The following GULP1 variants were observed in gnomAD, a reference collection of about 807,000 sequenced individuals.
GULP1 encodes the protein PTB domain-containing engulfment adapter protein 1.
GULP1 carries 19 observed loss-of-function variants against 40.9 expected under a neutral mutation model. The ratio of observed to expected loss-of-function variants is 0.46; its 90% confidence interval spans 0.32 to 0.68. GULP1 has a LOEUF of 0.68. Ranked by LOEUF, GULP1 falls within the 30% of genes least tolerant of loss-of-function variation. The pLI is 0.03. For synonymous variants in GULP1, 119 were observed against 117.6 expected, an observed-to-expected ratio of 1.01 and a Z score of -0.08; for missense variants, 312 against 362.2, an observed-to-expected ratio of 0.86 and a Z score of 1.12.
chr2:188,416,780 TTAG>T (rs1317780900), intron 2 of GULP1, among the ~76,000 whole-genome samples: 1 of 152,148 alleles, frequency 6.6e-6, no homozygotes, highest in Non-Finnish European at 1.5e-5. Context: ...CATATAGTAG[TTAG>T]TAGAAAAGTG....
chr2:188,433,014 AT>A (rs2057044695), intron 2 of GULP1, among the ~76,000 whole-genome samples: 1 of 152,170 alleles, frequency 6.6e-6, no homozygotes, highest in Non-Finnish European at 1.5e-5. Flanking sequence ...AATGGGTTTT[AT>A]CTTGACACCA....
At chr2:188,520,546 A>AAAG (rs1431044067) in intron 4 of GULP1, among the ~76,000 whole-genome samples, 78 of 151,882 alleles carry the variant, frequency 5.1e-4, no homozygotes, top group Middle Eastern at 6.8e-3. Flanking sequence ...AAAAAAAAAA[A>AAAG]AAGTAACTGT....
chr2:188,564,562 T>TA (rs1300654803), intron 7 of GULP1, among the ~76,000 whole-genome samples: 2 of 151,778 alleles, frequency 1.3e-5, no homozygotes, highest in Non-Finnish European at 3.0e-5. Flanking sequence ...TTGATGTAAG[T>TA]AAAAAAGACC....
chr2:188,454,177 T>C (rs1039362876), intron 2 of GULP1, among the ~76,000 whole-genome samples: 9 of 152,184 alleles, frequency 5.9e-5, no homozygotes, highest in African/African-American at 2.2e-4. Context: ...AAGGATATGC[T>C]GACAATTTCA....
chr2:188,404,290 G>A (rs1443309106), intron 2 of GULP1, among the ~76,000 whole-genome samples: 1 of 152,166 alleles, frequency 6.6e-6, no homozygotes, highest in East Asian at 1.9e-4. Context: ...AACTATCCAT[G>A]CATGCAAATA....
chr2:188,411,717 C>T (rs964176734), intron 2 of GULP1, among the ~76,000 whole-genome samples: 1 of 152,194 alleles, frequency 6.6e-6, no homozygotes, highest in Non-Finnish European at 1.5e-5. Context: ...AGTTCCTGAC[C>T]ATCCAGCCAA....
chr2:188,584,193 T>G, intron 9 of GULP1, 72 bp from the exon 10 acceptor site: 1 of 974,994 alleles, frequency 1.0e-6, no homozygotes, highest in Non-Finnish European at 1.5e-6. Flanking sequence ...ATATTTTATA[T>G]GCATATGAAA....
At chr2:188,571,949 T>C (rs1435995553) in intron 9 of GULP1, among the ~76,000 whole-genome samples, 1 of 152,254 alleles carries the variant, frequency 6.6e-6, no homozygotes, top group Non-Finnish European at 1.5e-5. Flanking sequence ...GGTCATTGTG[T>C]AACCTCTTTA....
At chr2:188,316,311 C>T (rs1346611865) in intron 1 of GULP1, among the ~76,000 whole-genome samples, 1 of 152,092 alleles carries the variant, frequency 6.6e-6, no homozygotes, top group Non-Finnish European at 1.5e-5. Flanking sequence ...CTCTTTATGG[C>T]CTTTCACACT....
chr2:188,312,140 C>A (rs1043323118), intron 1 of GULP1, among the ~76,000 whole-genome samples: 1 of 151,534 alleles, frequency 6.6e-6, no homozygotes, highest in Non-Finnish European at 1.5e-5. Context: ...ATGTTTTTTT[C>A]TTTAAAATAC....
intron 1 of GULP1, among the ~76,000 whole-genome samples, chr2:188,307,312 A>T (rs900709871): frequency 6.6e-6 from 1 of 152,210 alleles, no homozygotes; most frequent in Non-Finnish European, 1.5e-5. Context: ...AAAGATAAAA[A>T]TTAGGATACA....
chr2:188,587,819 G>T, intron 10 of GULP1, 36 bp from the exon 11 acceptor site: 1 of 1,138,394 alleles, frequency 8.8e-7, no homozygotes, highest in South Asian at 1.3e-5. Context: ...CTCACTTCTT[G>T]TTATTTCATT....
chr2:188,400,122 G>C (rs1047806927), intron 2 of GULP1, among the ~76,000 whole-genome samples: 1 of 152,070 alleles, frequency 6.6e-6, no homozygotes, highest in African/African-American at 2.4e-5. Flanking sequence ...CCCTCCAAAG[G>C]CTCTAGGGGA....
At chr2:188,348,589 A>G (rs939581271) in intron 1 of GULP1, among the ~76,000 whole-genome samples, 2 of 151,936 alleles carry the variant, frequency 1.3e-5, no homozygotes, top group East Asian at 2.0e-4. Context: ...TTCTAGTTGC[A>G]TATCTGAAAC....
Position 188,542,798 on chromosome 2 carries a change from A to G in GULP1, c.399+1480A>G, listed in dbSNP as rs149931723. Among the ~76,000 whole-genome samples the G allele has an allele frequency of 1.6e-4, 24 of 152,274 alleles. No individual in the cohort carries two copies. In the East Asian group the frequency reaches 4.6e-3, roughly 29 times the overall value. ...TGATTGCTTGCAGATTCTTTTCTCT[A>G]TGACTGAGAAGATTAAAGTTGATAT... On this transcript the variant is annotated intron_variant, in intron 7 of 11. Transcript: ENST00000409830.
At chr2:188,323,359 CCTTTGTAA>C (rs1275080559) in intron 1 of GULP1, among the ~76,000 whole-genome samples, 1 of 151,838 alleles carries the variant, frequency 6.6e-6, no homozygotes, top group Non-Finnish European at 1.5e-5. Flanking sequence ...AGATCTGTTC[CCTTTGTAA>C]CTGCCCTGAA....
At chr2:188,409,227 C>G (rs1410250778) in intron 2 of GULP1, among the ~76,000 whole-genome samples, 3 of 151,918 alleles carry the variant, frequency 2.0e-5, no homozygotes, top group African/African-American at 7.2e-5. Flanking sequence ...AATCAACAAG[C>G]CTTTAAACTA....
intron 1 of GULP1, among the ~76,000 whole-genome samples, chr2:188,303,767 T>C (rs2036551780): frequency 6.6e-6 from 1 of 152,182 alleles, no homozygotes; most frequent in African/African-American, 2.4e-5. Flanking sequence ...GATTGACTTG[T>C]GCATATTAGT....
At chr2:188,580,007 T>C (rs7605958) in intron 9 of GULP1, among the ~76,000 whole-genome samples, 102 of 152,192 alleles carry the variant, frequency 6.7e-4, no homozygotes, top group African/African-American at 2.4e-3. Context: ...ACAGACAGCC[T>C]TATCAATTAA....
Sources: gnomAD v4.1 joint callset for allele counts (sites outside exome capture counted in the v4.1 genomes callset) on GRCh38, gnomAD v4.1.1 for gene constraint, MANE v1.5 for transcripts, NCBI Gene and HGNC (gene_info 2026-07-23, HGNC 2026-07-21) for gene names.